The following PDGFD variants were observed in gnomAD, a reference collection of about 807,000 sequenced individuals.
The protein encoded by PDGFD is platelet-derived growth factor D.
Under a neutral mutation model 44.7 loss-of-function variants are expected in PDGFD, and 30 were observed. The observed-to-expected ratio is 0.67, with a 90% CI of 0.50 to 0.91. The LOEUF is 0.91. Ranked by LOEUF, PDGFD falls within the 40% of genes least tolerant of loss-of-function variation. The probability of loss-of-function intolerance (pLI) is 0.00; values close to 1 mark genes in which losing one functional copy is unlikely to be tolerated. For missense variants in PDGFD, 445 were observed against 457.8 expected (o/e 0.97, Z 0.25); for synonymous variants, 173 against 168.4 (o/e 1.03, Z -0.21).
At chr11:103,977,153 T>C (rs1859196690) in intron 3 of PDGFD, among the ~76,000 whole-genome samples, 1 of 151,988 alleles carries the variant, frequency 6.6e-6, no homozygotes, top group African/African-American at 2.4e-5. Flanking sequence ...AGAAGTCAAA[T>C]CCCTGAATAG....
At chr11:103,995,265 G>A (rs1452841476) in intron 3 of PDGFD, among the ~76,000 whole-genome samples, 1 of 152,068 alleles carries the variant, frequency 6.6e-6, no homozygotes, top group Non-Finnish European at 1.5e-5. Context: ...GCTTACCTTT[G>A]TATCTACTAC....
chr11:104,056,613 G>C (rs1247810613), intron 1 of PDGFD, among the ~76,000 whole-genome samples: 1 of 152,060 alleles, frequency 6.6e-6, no homozygotes, highest in Non-Finnish European at 1.5e-5. Context: ...AGCTGGGAGA[G>C]AGGCAAGGAA....
At chr11:104,040,361 A>C (rs1860327514) in intron 1 of PDGFD, among the ~76,000 whole-genome samples, 1 of 152,154 alleles carries the variant, frequency 6.6e-6, no homozygotes, top group African/African-American at 2.4e-5. Context: ...TCAAAGAAAA[A>C]TCATTAAACA....
chr11:104,003,664 T>G (rs1365330257), intron 1 of PDGFD, among the ~76,000 whole-genome samples: 4 of 152,124 alleles, frequency 2.6e-5, no homozygotes, highest in African/African-American at 9.7e-5. Flanking sequence ...GAATGTAAGT[T>G]TGGTTTTGAA....
chr11:104,011,353 T>C (rs1859783937), intron 1 of PDGFD, among the ~76,000 whole-genome samples: 1 of 152,110 alleles, frequency 6.6e-6, no homozygotes, highest in Non-Finnish European at 1.5e-5. Flanking sequence ...ATTAGTTACA[T>C]ATCACATAAT....
chr11:103,919,502 C>CTTTT lies in PDGFD; in HGVS notation c.987+7406_987+7409dup, dbSNP rs71037206. Among the ~76,000 whole-genome samples the CTTTT allele has an allele frequency of 6.2e-3, 552 of 88,752 alleles. 5 individuals are homozygous for CTTTT. The highest frequency in any genetic ancestry group is 9.4e-3 in the East Asian group (24 of 2,544). The allele number at this position is 88,752 out of a possible 152,430, so 58.2% of individuals were successfully genotyped here. On this transcript the variant is annotated intron_variant, in intron 6 of 6. Coordinates refer to ENST00000393158, the MANE Select transcript of PDGFD (RefSeq NM_025208.5). The stretch of plus-strand genomic sequence containing the variant: ...AATCATTAAGAGTTTAAGATTCTTC[C>CTTTT]TTTTTTTTTTTTTTTTTTTTTTTGA...
chr11:104,025,430 A>G (rs1351093781), intron 1 of PDGFD, among the ~76,000 whole-genome samples: 2 of 152,236 alleles, frequency 1.3e-5, no homozygotes, highest in African/African-American at 4.8e-5. Context: ...CACAATGGAT[A>G]CAATGGATAA....
chr11:103,997,877 G>T (rs542765589), intron 2 of PDGFD, among the ~76,000 whole-genome samples: 2 of 152,164 alleles, frequency 1.3e-5, no homozygotes, highest in African/African-American at 2.4e-5. Context: ...ACAAGTCTCT[G>T]GTCTGTCTCT....
intron 1 of PDGFD, among the ~76,000 whole-genome samples, chr11:104,010,704 C>A (rs945487633): frequency 6.6e-6 from 1 of 151,980 alleles, no homozygotes. Flanking sequence ...TTAATTAATT[C>A]TCTGATAATT....
chr11:104,099,843 G>A (rs143900438), intron 1 of PDGFD, among the ~76,000 whole-genome samples: 109 of 151,944 alleles, frequency 7.2e-4, no homozygotes, highest in South Asian at 4.4e-3. Context: ...AATTGCTAAC[G>A]TAGATATCAC....
At chr11:104,057,347 A>G (rs1860636577) in intron 1 of PDGFD, among the ~76,000 whole-genome samples, 1 of 152,246 alleles carries the variant, frequency 6.6e-6, no homozygotes, top group South Asian at 2.1e-4. Flanking sequence ...TGGTTTTGAA[A>G]AAATCCACAG....
intron 1 of PDGFD, among the ~76,000 whole-genome samples, chr11:104,110,362 C>G (rs1861534610): frequency 6.6e-6 from 1 of 150,494 alleles, no homozygotes; most frequent in Non-Finnish European, 1.5e-5. Context: ...TGAACTGTAT[C>G]CAACCCAATT....
intron 1 of PDGFD, among the ~76,000 whole-genome samples, chr11:104,103,192 A>T (rs1591165139): frequency 6.6e-6 from 1 of 152,108 alleles, no homozygotes; most frequent in East Asian, 1.9e-4. Context: ...CACCTCATAG[A>T]GTAGTTTTAT....
intron 1 of PDGFD, among the ~76,000 whole-genome samples, chr11:104,118,567 T>C (rs1466758592): frequency 6.6e-6 from 1 of 150,904 alleles, no homozygotes; most frequent in Non-Finnish European, 1.5e-5. Context: ...CAGTCCCATG[T>C]TAAAAAGGAG....
chr11:104,162,725 G>T (rs1057149637), intron 1 of PDGFD, among the ~76,000 whole-genome samples: 1 of 152,066 alleles, frequency 6.6e-6, no homozygotes, highest in African/African-American at 2.4e-5. Context: ...TACCAAGAAA[G>T]AAACTGATAA....
chr11:104,103,470 A>G (rs879916625), intron 1 of PDGFD, among the ~76,000 whole-genome samples: 16,850 of 64,786 alleles, frequency 0.26, 1,032 homozygotes, highest in Non-Finnish European at 0.27. Flanking sequence ...GTGTATATAT[A>G]TATATATATA....
At chr11:103,957,312 A>G (rs1858866457) in intron 3 of PDGFD, among the ~76,000 whole-genome samples, 2 of 152,324 alleles carry the variant, frequency 1.3e-5, no homozygotes, top group South Asian at 2.1e-4. Flanking sequence ...TATAGATTCA[A>G]TGCCATCCCC....
intron 1 of PDGFD, among the ~76,000 whole-genome samples, chr11:104,076,666 G>A (rs1809572910): frequency 6.6e-6 from 1 of 152,080 alleles, no homozygotes; most frequent in African/African-American, 2.4e-5. Flanking sequence ...GTTCTGAAAG[G>A]CTAGTTAAAA....
At chr11:104,066,187 C>T (rs1164190737) in intron 1 of PDGFD, among the ~76,000 whole-genome samples, 1 of 152,108 alleles carries the variant, frequency 6.6e-6, no homozygotes, top group Non-Finnish European at 1.5e-5. Flanking sequence ...TCTTCCAGAG[C>T]TTTTGATATA....
Sources: allele counts gnomAD v4.1 joint callset (sites outside exome capture counted in the v4.1 genomes callset), GRCh38; gene constraint gnomAD v4.1.1; transcripts MANE v1.5; gene names NCBI Gene and HGNC (gene_info 2026-07-23, HGNC 2026-07-21).